Variants in SYCE3 observed in about 807,000 individuals in gnomAD.
SYCE3 encodes testis highly expressed gene 2 protein.
A neutral mutation model predicts 8.1 loss-of-function variants in SYCE3; 3 were observed. The observed-to-expected ratio is 0.37, with a 90% CI of 0.17 to 0.96. SYCE3 has a LOEUF of 0.96. SYCE3 is among the 40% of genes least tolerant of loss of function. SYCE3 has a pLI of 0.41. For synonymous variants in SYCE3, 36 were observed against 38.7 expected (o/e 0.93, Z 0.26); for missense variants, 83 against 110.0 (o/e 0.75, Z 1.10).
intron 1 of SYCE3, among the ~76,000 whole-genome samples, chr22:50,560,930 T>C (rs1021948711): frequency 2.0e-5 from 3 of 152,162 alleles, no homozygotes; most frequent in Admixed American, 2.0e-4. Context: ...ATGAAAAGTT[T>C]CTTCTTGTAA....
chr22:50,558,182 G>A (rs1393525292), intron 1 of SYCE3, among the ~76,000 whole-genome samples: 1 of 152,312 alleles, frequency 6.6e-6, no homozygotes, highest in Admixed American at 6.5e-5. Flanking sequence ...CCAACACTTT[G>A]GGAGGCCGAG....
intron 1 of SYCE3, among the ~76,000 whole-genome samples, chr22:50,556,826 T>C (rs984335884): frequency 6.6e-6 from 1 of 152,226 alleles, no homozygotes; most frequent in African/African-American, 2.4e-5. Context: ...TCTAGTGCAA[T>C]ATGGGAGTAA....
intron 2 of SYCE3, among the ~76,000 whole-genome samples, chr22:50,553,619 G>A (rs139954992): frequency 0.017 from 2,542 of 152,164 alleles, 31 homozygotes; most frequent in Non-Finnish European, 0.024. Context: ...GTCTCGCTCC[G>A]TCACCCAGGC....
At position 50,556,277 on chromosome 22, in the gene SYCE3, T is replaced by G. The variant is rs186268567; in HGVS notation, c.109+20A>C. 6.6e-7 allele frequency: 1 copy of G among 1,508,390 alleles called. No homozygotes were observed. The highest frequency in any genetic ancestry group is 2.0e-5 in the Admixed American group (1 of 50,454). The allele number at this position is 1,508,390 out of a possible 1,614,324, so 93.4% of individuals were successfully genotyped here. A position where few individuals can be genotyped will look rare whatever the true frequency, so the allele number is the denominator to read the frequency against. ...TTGATTGAGACCTGTCTCAGATACTTTTGGGTTCACACATCCTACCTGAGA... is the reference window on the plus strand; with the variant it reads ...TTGATTGAGACCTGTCTCAGATACTGTTGGGTTCACACATCCTACCTGAGA... On this transcript the variant is annotated intron_variant, in intron 2 of 2. Transcript: ENST00000406915.
In SYCE3 at chr22:50,555,724, A is replaced by T. The variant is rs149931938; in HGVS notation, c.109+573T>A. 3.8e-4 allele frequency among the ~76,000 whole-genome samples: 58 copies of T among 152,164 alleles called. No homozygotes were observed. In the Middle Eastern group the frequency reaches 0.01, roughly 27 times the overall value. On this transcript the variant is annotated intron_variant, in intron 2 of 2. Transcript: ENST00000406915. Reference sequence around the variant, plus strand: ...CCAATTGCCAATCAGAAAAAATTTAAATCTATCTATAACCTGGAATCATCC... The same window carrying T: ...CCAATTGCCAATCAGAAAAAATTTATATCTATCTATAACCTGGAATCATCC...
At chr22:50,551,541 G>T in intron 2 of SYCE3, 139 bp from the exon 3 acceptor site, 1 of 861,520 alleles carries the variant, frequency 1.2e-6, no homozygotes, top group Non-Finnish European at 1.7e-6. Flanking sequence ...ACTCTAGGGA[G>T]AGACAGCTGG....
intron 2 of SYCE3, among the ~76,000 whole-genome samples, chr22:50,554,319 A>T (rs916341208): frequency 2.0e-5 from 3 of 152,190 alleles, no homozygotes; most frequent in African/African-American, 7.2e-5. Flanking sequence ...CACTGATCTC[A>T]GATTGAGGAA....
chr22:50,552,932 TG>T (rs1204850877), intron 2 of SYCE3, among the ~76,000 whole-genome samples: 1 of 152,172 alleles, frequency 6.6e-6, no homozygotes, highest in Non-Finnish European at 1.5e-5. Context: ...GCAAGGTGGC[TG>T]GTACCTATAA....
intron 1 of SYCE3, among the ~76,000 whole-genome samples, chr22:50,561,748 G>A (rs1179353387): frequency 6.6e-6 from 1 of 151,830 alleles, no homozygotes; most frequent in East Asian, 2.0e-4. Flanking sequence ...GTGCAGAGAT[G>A]TGCTCTTTTG....
intron 1 of SYCE3, among the ~76,000 whole-genome samples, chr22:50,562,131 C>T: frequency 0.011 from 1 of 88 alleles, no homozygotes; most frequent in Non-Finnish European, 0.023. Flanking sequence ...CGGGGTGAGG[C>T]GGGGTGAGGA....
At chr22:50,553,218 T>TAAATAAATAAAC (rs1224431050) in intron 2 of SYCE3, among the ~76,000 whole-genome samples, 3 of 151,844 alleles carry the variant, frequency 2.0e-5, no homozygotes, top group Non-Finnish European at 4.4e-5. Context: ...AATAAATAAA[T>TAAATAAATAAAC]AAATAAAATC....
At chr22:50,555,192 C>T (rs1483530127) in intron 2 of SYCE3, among the ~76,000 whole-genome samples, 1 of 151,936 alleles carries the variant, frequency 6.6e-6, no homozygotes, top group Non-Finnish European at 1.5e-5. Flanking sequence ...TTAGGACCCC[C>T]TGAGGCTGTG....
chr22:50,557,102 T>C (rs2069867144), intron 1 of SYCE3, among the ~76,000 whole-genome samples: 2 of 152,016 alleles, frequency 1.3e-5, no homozygotes, highest in African/African-American at 4.8e-5. Context: ...ATATCAGCAG[T>C]GTTACTTTTG....
At chr22:50,559,363 G>A (rs1275460636) in intron 1 of SYCE3, among the ~76,000 whole-genome samples, 1 of 152,146 alleles carries the variant, frequency 6.6e-6, no homozygotes, top group Non-Finnish European at 1.5e-5. Flanking sequence ...CTGAACCTCA[G>A]GTGATCCGCC....
chr22:50,561,527 C>CGTGGGGCGGGAGGAGT (rs1193117558), intron 1 of SYCE3, among the ~76,000 whole-genome samples: 1 of 39,378 alleles, frequency 2.5e-5, no homozygotes, highest in Non-Finnish European at 5.0e-5. Context: ...GCGGGAGGAG[C>CGTGGGGCGGGAGGAGT]GTGGGGCGGG....
intron 1 of SYCE3, among the ~76,000 whole-genome samples, chr22:50,560,608 G>A (rs934306386): frequency 1.3e-5 from 2 of 152,188 alleles, no homozygotes; most frequent in Admixed American, 6.5e-5. Context: ...TGTGTGTACA[G>A]ATTTAGATGG....
chr22:50,558,878 C>G (rs1432859907), intron 1 of SYCE3, among the ~76,000 whole-genome samples: 1 of 152,226 alleles, frequency 6.6e-6, no homozygotes, highest in Non-Finnish European at 1.5e-5. Flanking sequence ...ACTGACAATG[C>G]TCTCACCAAA....
intron 1 of SYCE3, among the ~76,000 whole-genome samples, chr22:50,558,775 T>C (rs541352320): frequency 6.6e-6 from 1 of 152,174 alleles, no homozygotes; most frequent in Admixed American, 6.5e-5. Flanking sequence ...CCCTCTCCTA[T>C]AGCTATTCCC....
At chr22:50,560,184 A>G (rs938603934) in intron 1 of SYCE3, among the ~76,000 whole-genome samples, 34 of 152,336 alleles carry the variant, frequency 2.2e-4, no homozygotes, top group African/African-American at 6.7e-4. Flanking sequence ...ATATTACACC[A>G]GTGTCAAAGA....
Sources: gnomAD v4.1 joint callset for allele counts (sites outside exome capture counted in the v4.1 genomes callset) on GRCh38, gnomAD v4.1.1 for gene constraint, MANE v1.5 for transcripts, NCBI Gene and HGNC (gene_info 2026-07-23, HGNC 2026-07-21) for gene names.